Variants in CDK11B observed in about 807,000 individuals in gnomAD.
The protein encoded by CDK11B is cyclin dependent kinase 11B.
In CDK11B, 37 loss-of-function variants were observed where a neutral mutation model predicts 84.0. The ratio of observed to expected loss-of-function variants is 0.44; its 90% CI spans 0.34 to 0.58. The LOEUF (loss-of-function observed/expected upper bound fraction) is 0.58, where lower values mean the gene tolerates loss of function less well. CDK11B is among the 20% of genes least tolerant of loss of function. The probability of loss-of-function intolerance (pLI) is 0.02; values close to 1 mark genes in which losing one functional copy is unlikely to be tolerated. For missense variants in CDK11B, 427 were observed against 834.0 expected (o/e 0.51, Z 6.01); for synonymous variants, 269 against 309.8 (o/e 0.87, Z 1.38).
Position 1,641,097 on chromosome 1 carries a change from T to G in CDK11B, c.1026A>C (p.Glu342Asp). Residue 342 changes from glutamate (E) to aspartate (D), a missense_variant, in exon 10 of 20, where the codon GAA becomes GAC. Around this residue, in one of 12 missense-constraint regions of CDK11B, gnomAD observed 8 missense variants for 41.3 expected, o/e 0.19. Transcript: ENST00000341832. ...SEQSAEEVSE[E>D]EMSEDEEREN... ...CTCGTTCTTCATCTTCACTCATTTCTTCCTCACTTACTTCTTCTGCAAGAG... is the reference window on the plus strand; with the variant it reads ...CTCGTTCTTCATCTTCACTCATTTCGTCCTCACTTACTTCTTCTGCAAGAG... The G allele has an allele frequency of 6.3e-7, 1 of 1,594,860 alleles. No homozygotes were observed. The highest frequency in any genetic ancestry group is 8.6e-7 in the Non-Finnish European group (1 of 1,165,786).
At chr1:1,653,466 G>A (rs897946064) in intron 3 of CDK11B, among the ~76,000 whole-genome samples, 4 of 151,838 alleles carry the variant, frequency 2.6e-5, no homozygotes, top group African/African-American at 9.7e-5. Flanking sequence ...GACTACAGGT[G>A]TACACTACCA....
intron 5 of CDK11B, among the ~76,000 whole-genome samples, chr1:1,648,191 A>G (rs1175374661): frequency 3.9e-5 from 6 of 152,242 alleles, no homozygotes; most frequent in Non-Finnish European, 7.3e-5. Flanking sequence ...TGCCCCCAAC[A>G]ATTTTTGCTC....
chr1:1,637,261 G>A, intron 14 of CDK11B, 59 bp from the exon 15 acceptor site: 1 of 1,600,908 alleles, frequency 6.2e-7, no homozygotes, highest in Non-Finnish European at 8.5e-7. Context: ...GGCACTCAGG[G>A]TGGCCCACTC....
intron 4 of CDK11B, among the ~76,000 whole-genome samples, chr1:1,651,938 C>G (rs1642069476): frequency 6.6e-6 from 1 of 151,528 alleles, no homozygotes; most frequent in African/African-American, 2.4e-5. Context: ...GTCTGTGACA[C>G]ACACATGCTT....
At chr1:1,645,902 A>G (rs1413690540) in intron 5 of CDK11B, 2 of 346,438 alleles carry the variant, frequency 5.8e-6, no homozygotes, top group South Asian at 2.2e-5. Context: ...GCAGTGGCGC[A>G]ATCTCGGCTC....
At chr1:1,650,383 G>T (rs1406007532) in intron 4 of CDK11B, among the ~76,000 whole-genome samples, 41,408 of 112,696 alleles carry the variant, frequency 0.37, 6,860 homozygotes, top group African/African-American at 0.5. Context: ...TTTTTTTTTT[G>T]GAGATGGAGT....
At chr1:1,636,579 T>C in intron 17 of CDK11B, 98 bp from the exon 18 acceptor site, 1 of 1,575,758 alleles carries the variant, frequency 6.3e-7, no homozygotes, top group East Asian at 2.3e-5. Flanking sequence ...GGGCTCTCAG[T>C]GGCCCTGGTC....
At chr1:1,651,995 C>A (rs1347373186) in intron 4 of CDK11B, among the ~76,000 whole-genome samples, 2 of 151,782 alleles carry the variant, frequency 1.3e-5, no homozygotes, top group Admixed American at 1.3e-4. Flanking sequence ...GTCTGTGACA[C>A]ACGCGTGCTT....
intron 3 of CDK11B, among the ~76,000 whole-genome samples, chr1:1,653,187 G>A (rs1267047095): frequency 2.6e-5 from 4 of 151,714 alleles, no homozygotes; most frequent in Admixed American, 2.0e-4. Context: ...ACCACACCCG[G>A]CTAATTTTTT....
At chr1:1,637,365 G>A in intron 14 of CDK11B, 43 bp downstream of exon 14, 3 of 1,599,724 alleles carry the variant, frequency 1.9e-6, no homozygotes, top group Non-Finnish European at 2.6e-6. Context: ...CCAGGACCCT[G>A]CCCCCACTTG....
At chr1:1,657,178 AGT>A (rs1570260773) in intron 2 of CDK11B, 195 bp downstream of exon 2, 1 of 1,607,856 alleles carries the variant, frequency 6.2e-7, no homozygotes, top group East Asian at 2.2e-5. Flanking sequence ...ACACAGCTTT[AGT>A]GTGTTAAATC....
At chr1:1,639,651 G>A (rs1021147133) in intron 11 of CDK11B, among the ~76,000 whole-genome samples, 1 of 151,846 alleles carries the variant, frequency 6.6e-6, no homozygotes, top group Admixed American at 6.6e-5. Flanking sequence ...GCGCTCACAA[G>A]GCATAGGGCA....
rs200192767 is a variant in CDK11B, at chr1:1,655,504, T to C, written c.112-20A>G. Reference sequence around the variant, plus strand: ...ATCAGACTAAGAAGCAAAGAGAAAGTTAATCATTTTCTTTATAAGTTTTTT... The same window carrying C: ...ATCAGACTAAGAAGCAAAGAGAAAGCTAATCATTTTCTTTATAAGTTTTTT... On this transcript the variant is annotated intron_variant, in intron 2 of 19. Coordinates refer to ENST00000341832, the MANE Select transcript of CDK11B (RefSeq NM_033486.3). 1.3e-6 allele frequency: 2 copies of C among 1,580,364 alleles called. No homozygotes were observed. The highest frequency in any genetic ancestry group is 8.6e-7 in the Non-Finnish European group (1 of 1,161,832).
intron 2 of CDK11B, among the ~76,000 whole-genome samples, 198 bp from the exon 3 acceptor site, chr1:1,655,682 G>A (rs1180970664): frequency 6.6e-6 from 1 of 152,058 alleles, no homozygotes; most frequent in Non-Finnish European, 1.5e-5. Context: ...CCAGCACTTT[G>A]GGAGGCCCAG....
Position 1,650,071 on chromosome 1 carries a change from C to T in CDK11B, c.356-434G>A, listed in dbSNP as rs1227708782. Among the ~76,000 whole-genome samples, 15 of 150,620 alleles carry T rather than the reference C, an allele frequency of 1.0e-4. 1 individual carries two copies. The highest frequency in any genetic ancestry group is 1.9e-4 in the Non-Finnish European group (13 of 67,782). ...GGCGGATCACAAGGTCAGATCGGGA[C>T]CATCCTGGCTAACACGGTGAAACCC... On this transcript the variant is annotated intron_variant, in intron 4 of 19. Transcript: ENST00000341832.
chr1:1,637,238 G>GC (rs1557659214), intron 14 of CDK11B, 36 bp from the exon 15 acceptor site: 1 of 1,609,010 alleles, frequency 6.2e-7, no homozygotes, highest in East Asian at 2.2e-5. Context: ...GGACCTGGCT[G>GC]CCCCCAGCCC....
At chr1:1,650,446 A>G (rs1214880782) in intron 4 of CDK11B, among the ~76,000 whole-genome samples, 3 of 146,206 alleles carry the variant, frequency 2.1e-5, no homozygotes, top group Non-Finnish European at 3.0e-5. Flanking sequence ...GCTCACTGCA[A>G]GCTCCGCCTC....
chr1:1,640,244 G>C (rs1194592983), intron 11 of CDK11B, 33 bp downstream of exon 11: 1 of 1,610,132 alleles, frequency 6.2e-7, no homozygotes, highest in Non-Finnish European at 8.5e-7. Context: ...CTGCCAATGC[G>C]GACAGTGGCC....
At chr1:1,651,854 G>C (rs1397711430) in intron 4 of CDK11B, among the ~76,000 whole-genome samples, 3 of 143,392 alleles carry the variant, frequency 2.1e-5, no homozygotes, top group African/African-American at 7.8e-5. Context: ...GCTAGAGTTT[G>C]CTCTGTATAG....
Sources: allele counts gnomAD v4.1 joint callset (sites outside exome capture counted in the v4.1 genomes callset), GRCh38; gene constraint gnomAD v4.1.1; regional missense constraint gnomAD v4.1.1; transcripts MANE v1.5; gene names NCBI Gene and HGNC (gene_info 2026-07-23, HGNC 2026-07-21).